PSPC1: variants seen among roughly 807,000 people sequenced by gnomAD.
The protein encoded by PSPC1 is paraspeckle component 1, also known as paraspeckle protein 1.
A neutral mutation model predicts 51.6 loss-of-function variants in PSPC1; 14 were observed. The observed-to-expected ratio is 0.27, with a 90% CI of 0.18 to 0.42. The LOEUF is 0.42. PSPC1 is among the 10% of genes least tolerant of loss of function. The pLI is 1.00. For synonymous variants in PSPC1, 193 were observed against 231.9 expected (o/e 0.83, Z 1.53); for missense variants, 406 against 701.1 (o/e 0.58, Z 4.75).
At chr13:19,704,526 T>C (rs1880404628) in intron 8 of PSPC1, among the ~76,000 whole-genome samples, 1 of 152,292 alleles carries the variant, frequency 6.6e-6, no homozygotes, top group African/African-American at 2.4e-5. Flanking sequence ...TTAGCAGCAT[T>C]GGCGCCTCAA....
intron 6 of PSPC1, among the ~76,000 whole-genome samples, chr13:19,696,159 G>T (rs998482048): frequency 1.3e-5 from 2 of 152,174 alleles, no homozygotes; most frequent in Non-Finnish European, 2.9e-5. Context: ...GATTCATGTG[G>T]AAAACTGAGA....
Position 19,741,622 on chromosome 13 carries a change from C to CT in PSPC1, c.994dup (p.Arg332LysfsTer22), listed in dbSNP as rs1411742460. The stretch of plus-strand genomic sequence containing the variant: ...TTGGTTTCTGAGTTCTTCCAAGCGT[C>CT]TGAGTTCTTCTTGACGCCTCATTAG... On this transcript the variant is annotated frameshift_variant, in exon 5 of 9. Transcript: ENST00000338910. LOFTEE classifies it high-confidence loss of function. The CT allele has an allele frequency of 6.2e-7, 1 of 1,605,328 alleles. No homozygotes were observed. The highest frequency in any genetic ancestry group is 1.3e-5 in the African/African-American group (1 of 74,620).
At position 19,736,495 on chromosome 13, in the gene PSPC1, AAC is replaced by A. The variant is rs751889690; in HGVS notation, c.1052+5068_1052+5069del. On this transcript the variant is annotated intron_variant, in intron 5 of 8. Transcript: ENST00000338910. ...TCAGCAGATCGAGACCATCCTGGCT[AAC>A]ACAGTGAAACCCCATCTCTACTAAA... is the stretch of plus-strand genomic sequence containing the variant. Among the ~76,000 whole-genome samples the A allele has an allele frequency of 8.6e-4, 131 of 152,036 alleles. 1 individual carries two copies. Among genetic ancestry groups the A allele is most frequent in the African/African-American group, 3.1e-3 (128 of 41,468 alleles).
intron 5 of PSPC1, among the ~76,000 whole-genome samples, chr13:19,732,913 C>A (rs924645215): frequency 7.2e-6 from 1 of 138,852 alleles, no homozygotes; most frequent in Non-Finnish European, 1.5e-5. Context: ...CACAATACAG[C>A]GAGACTCCAT....
downstream of PSPC1, among the ~76,000 whole-genome samples, chr13:19,698,628 T>A (rs1043236431): frequency 2.6e-5 from 4 of 151,848 alleles, no homozygotes; most frequent in South Asian, 8.3e-4. Context: ...GAACTGAAAT[T>A]TTATTTATGT....
intron 5 of PSPC1, among the ~76,000 whole-genome samples, chr13:19,738,801 G>A (rs1007897471): frequency 2.6e-5 from 4 of 152,038 alleles, no homozygotes; most frequent in Non-Finnish European, 5.9e-5. Context: ...CAGCTACTTG[G>A]GAGGCTGAGG....
At position 19,691,965 on chromosome 13, in the gene PSPC1, T is replaced by TA. The variant is rs141300500; in HGVS notation, c.1159-14143dup. On this transcript the variant is annotated intron_variant and NMD_transcript_variant, in intron 6 of 7. Transcript: ENST00000471658. Reference sequence around the variant, plus strand: ...TATCTGGGAGACGGAGGAACCACCTTAGAGTTTAGTGAGCAAGCGGGGAGG... The same window carrying TA: ...TATCTGGGAGACGGAGGAACCACCTTAAGAGTTTAGTGAGCAAGCGGGGAGG... Among the ~76,000 whole-genome samples the TA allele has an allele frequency of 3.0e-3, 461 of 152,034 alleles. 2 individuals carry two copies. Among genetic ancestry groups the TA allele is most frequent in the African/African-American group, 0.011 (438 of 41,476 alleles).
chr13:19,735,906 A>C (rs930959245), intron 5 of PSPC1, among the ~76,000 whole-genome samples: 12 of 151,954 alleles, frequency 7.9e-5, no homozygotes, highest in Admixed American at 2.0e-4. Flanking sequence ...ACTGCAAGCT[A>C]CGCCTCCTGG....
In PSPC1 at chr13:19,696,742, T is replaced by G. The variant is rs749727063; in HGVS notation, c.1159-18919A>C. On this transcript the variant is annotated intron_variant and NMD_transcript_variant, in intron 6 of 7. Transcript: ENST00000471658. ...ACAGGACAGTTTTCTAGCACCTTCA[T>G]CCAGCAGCCAGAAGCATGTCCAAAC... Among the ~76,000 whole-genome samples the G allele has an allele frequency of 5.3e-5, 8 of 152,150 alleles. No individual in the cohort carries two copies. In the East Asian group the frequency reaches 1.2e-3, roughly 22 times the overall value.
chr13:19,705,742 G>C lies in PSPC1; in HGVS notation c.1306C>G (p.Pro436Ala), dbSNP rs556798686. 6.2e-7 allele frequency: 1 copy of C among 1,613,722 alleles called. No homozygotes were observed. The highest frequency in any genetic ancestry group is 1.7e-5 in the Admixed American group (1 of 59,992). The change falls in exon 8 of 9, where the codon CCA (proline) becomes GCA (alanine). Residue 436 changes from proline to alanine, a missense_variant. By Grantham distance (27) the Pro-to-Ala change is conservative (BLOSUM62 -1). Around this residue, in one of 5 missense-constraint regions of PSPC1, gnomAD observed 34 missense variants for 158.6 expected, o/e 0.21. Transcript: ENST00000338910. ...CCCATGGCAGGACCAGGACCCATTGGTGGGCCAGGTATAGTTGCTCTGTTG... is the reference window on the plus strand; with the variant it reads ...CCCATGGCAGGACCAGGACCCATTGCTGGGCCAGGTATAGTTGCTCTGTTG... Reference protein sequence around the residue: ...MNNRATIPGPPMGPGPAMGPE... With the variant: ...MNNRATIPGPAMGPGPAMGPE...
downstream of PSPC1, chr13:19,672,939 C>T: frequency 5.3e-6 from 2 of 378,288 alleles, no homozygotes; most frequent in South Asian, 4.1e-5. Context: ...GCCTGTAGTC[C>T]CAGATACTCA....
intron 6 of PSPC1, among the ~76,000 whole-genome samples, chr13:19,680,451 A>C (rs985162506): frequency 6.6e-6 from 1 of 152,260 alleles, no homozygotes; most frequent in African/African-American, 2.4e-5. Flanking sequence ...AATCAACCCT[A>C]ATAAAACCAT....
chr13:19,759,531 G>A (rs1887416069), intron 2 of PSPC1, 113 bp from the exon 3 acceptor site: 1 of 750,934 alleles, frequency 1.3e-6, no homozygotes, highest in Non-Finnish European at 2.1e-6. Flanking sequence ...TGTCTCACTT[G>A]AGAAAAATGT....
At chr13:19,754,078 T>TTTTC (rs773202918) in intron 3 of PSPC1, among the ~76,000 whole-genome samples, 111 of 152,122 alleles carry the variant, frequency 7.3e-4, no homozygotes, top group Non-Finnish European at 7.1e-4. Context: ...AGCATTTTCT[T>TTTTC]TTTCTTTCTT....
chr13:19,747,393 A>G (rs1886104258), intron 4 of PSPC1, among the ~76,000 whole-genome samples: 1 of 152,186 alleles, frequency 6.6e-6, no homozygotes, highest in Non-Finnish European at 1.5e-5. Context: ...GTACAGTGGC[A>G]TAATTACAGC....
intron 3 of PSPC1, 72 bp from the exon 4 acceptor site, chr13:19,751,539 A>C (rs2138130826): frequency 8.8e-7 from 1 of 1,130,960 alleles, no homozygotes; most frequent in East Asian, 2.8e-5. Context: ...AACAACAAGC[A>C]CTTACAATGT....
At chr13:19,700,889 C>T (rs1435437702), downstream of PSPC1, among the ~76,000 whole-genome samples, 3 of 151,980 alleles carry the variant, frequency 2.0e-5, no homozygotes, top group Non-Finnish European at 4.4e-5. Flanking sequence ...AAAAATCTTC[C>T]TTGGTATACT....
chr13:19,689,785 A>C (rs1282777117), intron 6 of PSPC1, among the ~76,000 whole-genome samples: 1 of 152,244 alleles, frequency 6.6e-6, no homozygotes, highest in East Asian at 1.9e-4. Context: ...ATAACTAAGA[A>C]AAATGTTAAT....
chr13:19,713,995 G>A lies in PSPC1; in HGVS notation c.1159-4396C>T, dbSNP rs143391376. On this transcript the variant is annotated intron_variant, in intron 6 of 8. Transcript: ENST00000338910. Reference sequence around the variant, plus strand: ...CTATAGCACAAGCCAAGAGACTTGGGCCCAATTTTTACTAGTAACCACTGC... The same window carrying A: ...CTATAGCACAAGCCAAGAGACTTGGACCCAATTTTTACTAGTAACCACTGC... Among the ~76,000 whole-genome samples, 48 of 152,282 alleles carry A rather than the reference G, an allele frequency of 3.2e-4. 1 individual carries two copies. The East Asian group carries it at 9.1e-3, about 29-fold the overall frequency.
Sources: allele counts gnomAD v4.1 joint callset (sites outside exome capture counted in the v4.1 genomes callset), GRCh38; gene constraint gnomAD v4.1.1; regional missense constraint gnomAD v4.1.1; transcripts MANE v1.5; gene names NCBI Gene and HGNC (gene_info 2026-07-23, HGNC 2026-07-21).